PIK3C2G: variants seen among roughly 807,000 people sequenced by gnomAD.
The protein encoded by PIK3C2G is phosphatidylinositol-4-phosphate 3-kinase catalytic subunit type 2 gamma.
PIK3C2G carries 168 observed loss-of-function variants against 181.1 expected under a neutral mutation model. The observed-to-expected ratio is 0.93, with a 90% confidence interval of 0.82 to 1.05. The LOEUF (loss-of-function observed/expected upper bound fraction) is 1.05. PIK3C2G is among the 50% of genes least tolerant of loss of function. PIK3C2G has a pLI of 0.00. For missense variants in PIK3C2G, 1,869 were observed against 1,732.8 expected, an observed-to-expected ratio of 1.08 and a Z score of -1.40; for synonymous variants, 573 against 592.2, an observed-to-expected ratio of 0.97 and a Z score of 0.47.
chr12:18,329,171 C>T (rs1344845256), intron 8 of PIK3C2G, among the ~76,000 whole-genome samples: 2 of 151,826 alleles, frequency 1.3e-5, no homozygotes, highest in South Asian at 2.1e-4. Context: ...TAATCACTAG[C>T]CAACATAATC....
intron 22 of PIK3C2G, among the ~76,000 whole-genome samples, chr12:18,500,394 C>T (rs980560323): frequency 6.6e-6 from 1 of 152,178 alleles, no homozygotes; most frequent in Non-Finnish European, 1.5e-5. Context: ...GGGCAAGGCT[C>T]GGGACCTGCA....
intron 29 of PIK3C2G, among the ~76,000 whole-genome samples, chr12:18,581,689 G>A (rs1036318486): frequency 1.3e-5 from 2 of 152,198 alleles, no homozygotes; most frequent in Admixed American, 6.5e-5. Context: ...TTCCAGAGAC[G>A]TCAAGTAGGA....
chr12:18,606,248 T>C (rs771446079), intron 30 of PIK3C2G, among the ~76,000 whole-genome samples: 42 of 152,164 alleles, frequency 2.8e-4, no homozygotes, highest in Non-Finnish European at 5.4e-4. Context: ...CACAAATTTA[T>C]GCTAATTTTC....
chr12:18,518,892 A>T (rs778556964), intron 24 of PIK3C2G, among the ~76,000 whole-genome samples: 1 of 152,128 alleles, frequency 6.6e-6, no homozygotes, highest in African/African-American at 2.4e-5. Flanking sequence ...TTCCCTGTTA[A>T]CACTGCTTTA....
intron 5 of PIK3C2G, among the ~76,000 whole-genome samples, chr12:18,304,382 G>T (rs1303032135): frequency 1.3e-5 from 2 of 151,996 alleles, no homozygotes; most frequent in Non-Finnish European, 2.9e-5. Flanking sequence ...TCAGCCTCCT[G>T]ATTAGCTGGG....
the PIK3C2G span, among the ~76,000 whole-genome samples, chr12:18,662,060 G>A: frequency 8.5e-5 from 13 of 152,090 alleles, no homozygotes; most frequent in Admixed American, 7.9e-4. Flanking sequence ...CCCGTATTAA[G>A]TAGGAACTAA....
the PIK3C2G span, among the ~76,000 whole-genome samples, chr12:18,685,842 ACG>A: frequency 0.45 from 64,641 of 144,966 alleles, 14,438 homozygotes; most frequent in East Asian, 0.57. Flanking sequence ...ACACACACAC[ACG>A]CGCACACACA....
chr12:18,376,743 G>T (rs539052662), intron 13 of PIK3C2G, among the ~76,000 whole-genome samples: 2 of 152,114 alleles, frequency 1.3e-5, no homozygotes, highest in African/African-American at 4.8e-5. Context: ...TTGGCTTGTG[G>T]CTGTCCTTGA....
the PIK3C2G span, among the ~76,000 whole-genome samples, chr12:18,688,891 T>G: frequency 6.6e-6 from 1 of 152,012 alleles, no homozygotes; most frequent in Non-Finnish European, 1.5e-5. Context: ...AATTGAGGCA[T>G]AATTCCAATT....
the PIK3C2G span, among the ~76,000 whole-genome samples, chr12:18,717,183 G>C: frequency 6.6e-6 from 1 of 151,930 alleles, no homozygotes; most frequent in African/African-American, 2.4e-5. Flanking sequence ...TAATGTAAAA[G>C]TAATTATATA....
At chr12:18,244,192 T>C (rs1423483071), upstream of PIK3C2G, among the ~76,000 whole-genome samples, 1 of 151,974 alleles carries the variant, frequency 6.6e-6, no homozygotes, top group African/African-American at 2.4e-5. Context: ...AAATATATTT[T>C]ACCCCAAATT....
chr12:18,344,293 A>G (rs1939437435), intron 10 of PIK3C2G, among the ~76,000 whole-genome samples: 1 of 152,100 alleles, frequency 6.6e-6, no homozygotes, highest in Non-Finnish European at 1.5e-5. Flanking sequence ...GTCACGTACA[A>G]AAGTATATCC....
chr12:18,718,716 C>T, the PIK3C2G span, among the ~76,000 whole-genome samples: 2 of 152,174 alleles, frequency 1.3e-5, no homozygotes, highest in African/African-American at 2.4e-5. Flanking sequence ...CTTTCTATCA[C>T]ATTACCTTAG....
At chr12:18,610,701 C>A (rs1592711132) in intron 31 of PIK3C2G, among the ~76,000 whole-genome samples, 1 of 152,136 alleles carries the variant, frequency 6.6e-6, no homozygotes, top group East Asian at 1.9e-4. Context: ...GAAACCCTTA[C>A]ATTGCAAAAT....
At chr12:18,514,457 T>A (rs558078920) in intron 24 of PIK3C2G, among the ~76,000 whole-genome samples, 6 of 152,030 alleles carry the variant, frequency 3.9e-5, no homozygotes, top group African/African-American at 9.6e-5. Context: ...CGCAGAGATC[T>A]TTTACCTCCT....
At chr12:18,529,312 G>A (rs1943419405) in intron 24 of PIK3C2G, among the ~76,000 whole-genome samples, 1 of 152,092 alleles carries the variant, frequency 6.6e-6, no homozygotes, top group Non-Finnish European at 1.5e-5. Context: ...TGAGTGAAAA[G>A]GCAGGCAGAA....
chr12:18,715,804 T>A, the PIK3C2G span: 30 of 152,322 alleles, frequency 2.0e-4, no homozygotes, highest in African/African-American at 5.8e-4. Flanking sequence ...ATTTGGGTAA[T>A]CTGCTTTGGT....
intron 31 of PIK3C2G, among the ~76,000 whole-genome samples, chr12:18,631,528 G>A (rs1591714539): frequency 6.6e-6 from 1 of 152,166 alleles, no homozygotes; most frequent in African/African-American, 2.4e-5. Flanking sequence ...TTCAGAGAAG[G>A]AAAGTGACGT....
intron 1 of PIK3C2G, among the ~76,000 whole-genome samples, chr12:18,255,216 A>AAAATAAATAAAAT (rs551691865): frequency 2.3e-5 from 3 of 131,858 alleles, no homozygotes; most frequent in Non-Finnish European, 3.2e-5. Context: ...CTCCGTCTCA[A>AAAATAAATAAAAT]AAATAAATAA....
Sources: allele counts gnomAD v4.1 joint callset (sites outside exome capture counted in the v4.1 genomes callset), GRCh38; gene constraint gnomAD v4.1.1; transcripts MANE v1.5; gene names NCBI Gene and HGNC (gene_info 2026-07-23, HGNC 2026-07-21).